The following SEMA6D variants were observed in gnomAD, a reference collection of about 807,000 sequenced individuals.
SEMA6D encodes the protein semaphorin 6D, also known as semaphorin-6D.
A neutral mutation model predicts 106.6 loss-of-function variants in SEMA6D; 35 were observed. That is an observed-to-expected ratio of 0.33 (90% CI 0.25 to 0.44). The LOEUF (loss-of-function observed/expected upper bound fraction) is 0.44. SEMA6D is among the 20% of genes least tolerant of loss of function. The probability of loss-of-function intolerance (pLI) is 1.00; values close to 1 mark genes in which losing one functional copy is unlikely to be tolerated. For missense variants in SEMA6D, 1,185 were observed against 1,345.9 expected, an observed-to-expected ratio of 0.88 and a Z score of 1.87; for synonymous variants, 499 against 487.7, an observed-to-expected ratio of 1.02 and a Z score of -0.31.
chr15:47,284,804 C>G (rs993589192), intron 1 of SEMA6D, among the ~76,000 whole-genome samples: 1 of 152,080 alleles, frequency 6.6e-6, no homozygotes, highest in African/African-American at 2.4e-5. Context: ...TGCTTTAGAA[C>G]TTTGCTTCAG....
intron 1 of SEMA6D, among the ~76,000 whole-genome samples, chr15:47,293,171 G>A (rs889575310): frequency 1.3e-5 from 2 of 152,026 alleles, no homozygotes; most frequent in Non-Finnish European, 2.9e-5. Context: ...GATGCCTTGC[G>A]GCCCACCTGG....
At chr15:47,355,518 AAGAG>A (rs978940151) in intron 1 of SEMA6D, among the ~76,000 whole-genome samples, 1 of 152,154 alleles carries the variant, frequency 6.6e-6, no homozygotes, top group South Asian at 2.1e-4. Context: ...GAGAAAGAGA[AAGAG>A]AGAGACTTTC....
chr15:47,392,366 T>A (rs2040064969), intron 1 of SEMA6D, among the ~76,000 whole-genome samples: 1 of 152,188 alleles, frequency 6.6e-6, no homozygotes, highest in African/African-American at 2.4e-5. Context: ...AAATTGAGGA[T>A]CCTGAGGTAG....
At chr15:47,565,419 AT>A (rs2046201788) in intron 3 of SEMA6D, among the ~76,000 whole-genome samples, 1 of 152,108 alleles carries the variant, frequency 6.6e-6, no homozygotes, top group African/African-American at 2.4e-5. Flanking sequence ...TTCCCACTTC[AT>A]TTGCTCACAC....
chr15:47,497,558 C>T (rs1218068885), intron 3 of SEMA6D, among the ~76,000 whole-genome samples: 3 of 152,042 alleles, frequency 2.0e-5, no homozygotes, highest in African/African-American at 7.2e-5. Flanking sequence ...TACTCTCTGC[C>T]TCAGTAGATT....
chr15:47,317,311 C>G (rs780854085), intron 1 of SEMA6D, among the ~76,000 whole-genome samples: 5 of 151,898 alleles, frequency 3.3e-5, no homozygotes, highest in Non-Finnish European at 7.4e-5. Context: ...ATTTTCTTTT[C>G]CAGTTTGTCT....
intron 1 of SEMA6D, among the ~76,000 whole-genome samples, chr15:47,238,973 C>A (rs2032733556): frequency 6.6e-6 from 1 of 152,156 alleles, no homozygotes. Flanking sequence ...AAGCCACAGG[C>A]CATGGGCTGT....
At chr15:47,584,871 T>G (rs570986466) in intron 3 of SEMA6D, among the ~76,000 whole-genome samples, 1 of 152,318 alleles carries the variant, frequency 6.6e-6, no homozygotes, top group African/African-American at 2.4e-5. Flanking sequence ...AGCAATCACC[T>G]TGCTCCAGGG....
chr15:47,250,147 C>T (rs2033429545), intron 1 of SEMA6D, among the ~76,000 whole-genome samples: 1 of 152,098 alleles, frequency 6.6e-6, no homozygotes, highest in Admixed American at 6.5e-5. Context: ...GTTTTCTAAC[C>T]TTCGCAAAAA....
chr15:47,390,672 T>C (rs1250233048), intron 1 of SEMA6D, among the ~76,000 whole-genome samples: 5 of 152,218 alleles, frequency 3.3e-5, no homozygotes, highest in African/African-American at 9.6e-5. Flanking sequence ...TTTGCAGAGC[T>C]GTTCTTCCTA....
At chr15:47,673,564 G>A (rs1158900274) in intron 4 of SEMA6D, among the ~76,000 whole-genome samples, 1 of 152,174 alleles carries the variant, frequency 6.6e-6, no homozygotes, top group Admixed American at 6.5e-5. Flanking sequence ...CCAGGGATAA[G>A]GTTTGCAGGG....
chr15:47,460,744 G>A (rs1480091608), intron 2 of SEMA6D, among the ~76,000 whole-genome samples: 1 of 152,032 alleles, frequency 6.6e-6, no homozygotes, highest in Non-Finnish European at 1.5e-5. Flanking sequence ...TCATCAAACT[G>A]GGTGAACAAA....
chr15:47,444,962 T>C (rs1012930559), intron 2 of SEMA6D, among the ~76,000 whole-genome samples: 3 of 151,980 alleles, frequency 2.0e-5, no homozygotes, highest in African/African-American at 7.2e-5. Flanking sequence ...TACTGAGCGG[T>C]GGAGGCAGCT....
intron 4 of SEMA6D, among the ~76,000 whole-genome samples, chr15:47,679,307 G>A (rs973726167): frequency 6.6e-6 from 1 of 152,140 alleles, no homozygotes; most frequent in African/African-American, 2.4e-5. Flanking sequence ...GGTCAATTAG[G>A]CAATTGCCTT....
intron 3 of SEMA6D, among the ~76,000 whole-genome samples, chr15:47,518,983 G>A (rs1318129674): frequency 6.6e-6 from 1 of 152,042 alleles, no homozygotes; most frequent in Non-Finnish European, 1.5e-5. Context: ...CTAGCACTTT[G>A]GGAGGCCGAG....
chr15:47,651,808 CCATTT>C (rs2077697242), intron 4 of SEMA6D, among the ~76,000 whole-genome samples: 1 of 152,186 alleles, frequency 6.6e-6, no homozygotes, highest in Admixed American at 6.5e-5. Flanking sequence ...CCAATTGTTT[CCATTT>C]AAGACTCTTT....
chr15:47,648,474 G>A (rs1042944812), intron 4 of SEMA6D, among the ~76,000 whole-genome samples: 1 of 115,100 alleles, frequency 8.7e-6, no homozygotes, highest in East Asian at 2.5e-4. Flanking sequence ...GAATAACTGG[G>A]TTGGAGAATG....
chr15:47,226,874 A>G (rs750000295), intron 1 of SEMA6D, among the ~76,000 whole-genome samples: 10 of 152,036 alleles, frequency 6.6e-5, no homozygotes, highest in African/African-American at 2.4e-4. Flanking sequence ...GGTTCACATC[A>G]GATATTACGC....
chr15:47,468,461 G>A lies in SEMA6D; in HGVS notation c.-158-2013G>A, dbSNP rs760788226. ...ACTCAGTATAAGTGGGTGAAAGCTC[G>A]GCTCTGAGAAAGGACACAAGTCACC... On this transcript the variant is annotated intron_variant, in intron 2 of 19. Transcript: ENST00000558014. Among the ~76,000 whole-genome samples, 6 of 152,092 alleles carry A rather than the reference G, an allele frequency of 3.9e-5. 1 individual carries two copies. Among genetic ancestry groups the A allele is most frequent in the Non-Finnish European group, 4.4e-5 (3 of 68,026 alleles).
Sources: allele counts gnomAD v4.1 joint callset (sites outside exome capture counted in the v4.1 genomes callset), GRCh38; gene constraint gnomAD v4.1.1; transcripts MANE v1.5; gene names NCBI Gene and HGNC (gene_info 2026-07-23, HGNC 2026-07-21).